Variants in FBXO16 observed in about 807,000 individuals in gnomAD.
The protein encoded by FBXO16 is F-box protein 16, also known as F-box only protein 16.
Under a neutral mutation model 41.0 loss-of-function variants are expected in FBXO16, and 31 were observed. The ratio of observed to expected loss-of-function variants is 0.76; its 90% CI spans 0.57 to 1.02. The LOEUF is 1.02. FBXO16 is among the 50% of genes least tolerant of loss of function. The pLI is 0.00. For synonymous variants in FBXO16, 133 were observed against 117.8 expected (o/e 1.13, Z -0.84); for missense variants, 361 against 346.2 (o/e 1.04, Z -0.34).
chr8:28,450,250 G>A (rs1802932252), intron 6 of FBXO16, among the ~76,000 whole-genome samples: 2 of 152,150 alleles, frequency 1.3e-5, no homozygotes, highest in Non-Finnish European at 2.9e-5. Context: ...TGGTGCTGGG[G>A]AAACGGGATA....
chr8:28,458,187 A>G (rs1235882370), intron 4 of FBXO16, among the ~76,000 whole-genome samples: 1 of 152,164 alleles, frequency 6.6e-6, no homozygotes, highest in Non-Finnish European at 1.5e-5. Flanking sequence ...CTATCCATAC[A>G]CCTATTTTTC....
chr8:28,432,961 C>T (rs7834632), intron 7 of FBXO16, among the ~76,000 whole-genome samples: 12,059 of 151,100 alleles, frequency 0.08, 1,625 homozygotes, highest in African/African-American at 0.28. Flanking sequence ...CTTGGGAGGC[C>T]GAGACAGGAG....
At chr8:28,457,130 T>C (rs930339837) in intron 4 of FBXO16, among the ~76,000 whole-genome samples, 200 bp from the exon 5 acceptor site, 1 of 152,218 alleles carries the variant, frequency 6.6e-6, no homozygotes. Context: ...TAGCATTTGC[T>C]TTAAATGCTA....
chr8:28,452,599 G>A (rs1314254009), intron 5 of FBXO16, 123 bp from the exon 6 acceptor site: 5 of 822,072 alleles, frequency 6.1e-6, no homozygotes, highest in East Asian at 2.7e-5. Flanking sequence ...TCAGAAGTTC[G>A]AGACCAGCCT....
At chr8:28,432,342 C>T (rs554923625) in intron 7 of FBXO16, among the ~76,000 whole-genome samples, 6 of 151,620 alleles carry the variant, frequency 4.0e-5, no homozygotes, top group Admixed American at 6.6e-5. Context: ...GGCGTGGTGG[C>T]GGGTGCCTGT....
At position 28,428,431 on chromosome 8, in the gene FBXO16, C is replaced by T; in HGVS notation, c.*296G>A. 1 of 806,000 alleles carries T rather than the reference C, an allele frequency of 1.2e-6. No individual in the cohort carries two copies. Among genetic ancestry groups the T allele is most frequent in the Non-Finnish European group, 1.8e-6 (1 of 544,246 alleles). 49.9% of individuals were successfully genotyped at this position (806,000 alleles called of 1,614,324 possible). A position where few individuals can be genotyped will look rare whatever the true frequency, so the allele number is the denominator to read the frequency against. Reference sequence around the variant, plus strand: ...CATTTATGCCATGAATTCCTTTTTACTGAAATACCGTAGGACTCACTACCA... The same window carrying T: ...CATTTATGCCATGAATTCCTTTTTATTGAAATACCGTAGGACTCACTACCA... On this transcript the variant is annotated 3_prime_UTR_variant, in exon 9 of 9. Coordinates refer to ENST00000380254, the MANE Select transcript of FBXO16 (RefSeq NM_172366.4).
chr8:28,489,271 G>T (rs1024819228), intron 1 of FBXO16, among the ~76,000 whole-genome samples: 16 of 152,092 alleles, frequency 1.1e-4, no homozygotes, highest in African/African-American at 3.6e-4. Context: ...GAGCCTGGGA[G>T]GCAGAGGTTG....
At chr8:28,480,924 A>G (rs569121575) in intron 2 of FBXO16, among the ~76,000 whole-genome samples, 2 of 152,350 alleles carry the variant, frequency 1.3e-5, no homozygotes, top group South Asian at 4.1e-4. Flanking sequence ...AACAGTGATG[A>G]GAGCAAAGAA....
At chr8:28,489,954 T>C (rs915959921) in intron 1 of FBXO16, among the ~76,000 whole-genome samples, 3 of 152,266 alleles carry the variant, frequency 2.0e-5, no homozygotes, top group African/African-American at 7.2e-5. Flanking sequence ...TCCGCTTAAC[T>C]AGTTTTTAAA....
intron 7 of FBXO16, among the ~76,000 whole-genome samples, chr8:28,439,108 A>G (rs1585892044): frequency 7.3e-6 from 1 of 136,120 alleles, no homozygotes; most frequent in Admixed American, 7.5e-5. Flanking sequence ...AAAAAAAAAA[A>G]AGAAAAGAAA....
intron 3 of FBXO16, among the ~76,000 whole-genome samples, chr8:28,473,470 C>T (rs943713189): frequency 6.6e-6 from 1 of 152,100 alleles, no homozygotes; most frequent in East Asian, 1.9e-4. Context: ...GGATTATTGT[C>T]CTTATAAAGA....
intron 3 of FBXO16, among the ~76,000 whole-genome samples, chr8:28,470,322 T>C (rs927479325): frequency 3.3e-5 from 5 of 152,188 alleles, no homozygotes; most frequent in African/African-American, 1.2e-4. Context: ...GAATATGGCA[T>C]TTTCTATTTA....
At chr8:28,489,664 C>A (rs578027404) in intron 1 of FBXO16, among the ~76,000 whole-genome samples, 1 of 150,680 alleles carries the variant, frequency 6.6e-6, no homozygotes, top group Non-Finnish European at 1.5e-5. Context: ...TGCACCACTG[C>A]AGTTCAGCCT....
chr8:28,459,623 A>AAATAAT (rs57120891), intron 4 of FBXO16, among the ~76,000 whole-genome samples: 13,961 of 137,662 alleles, frequency 0.1, 727 homozygotes, highest in East Asian at 0.12. Flanking sequence ...CCTGTCTCAA[A>AAATAAT]AATAATAATA....
rs191100056 is a variant in FBXO16 at position 28,482,683 on chromosome 8, G to A, written c.99+665C>T. The stretch of plus-strand genomic sequence containing the variant: ...CCTCCTGGGTTCAAGCGATTCTCCC[G>A]CCTCAGCCTCCCGAGTAGCTGGGAT... On this transcript the variant is annotated intron_variant, in intron 2 of 8. Coordinates refer to ENST00000380254, the MANE Select transcript of FBXO16 (RefSeq NM_172366.4). Among the ~76,000 whole-genome samples the A allele has an allele frequency of 1.1e-3, 171 of 151,956 alleles. 2 individuals carry two copies. Among genetic ancestry groups the A allele is most frequent in the Non-Finnish European group, 2.0e-3 (133 of 67,986 alleles).
chr8:28,479,492 G>A (rs145025125), intron 2 of FBXO16, among the ~76,000 whole-genome samples: 6 of 152,214 alleles, frequency 3.9e-5, no homozygotes, highest in African/African-American at 1.4e-4. Context: ...ATTTTTCGAA[G>A]AAAATTTCTG....
chr8:28,452,205 TA>T, intron 6 of FBXO16, 38 bp downstream of exon 6: 1 of 1,562,684 alleles, frequency 6.4e-7, no homozygotes, highest in Non-Finnish European at 8.7e-7. Flanking sequence ...AAATTATTTC[TA>T]AAAACGAAGA....
intron 1 of FBXO16, among the ~76,000 whole-genome samples, chr8:28,486,063 G>A (rs532806145): frequency 1.8e-3 from 268 of 147,718 alleles, no homozygotes; most frequent in Non-Finnish European, 3.3e-3. Context: ...CTGAGGTCGC[G>A]CCACTGCACT....
intron 7 of FBXO16, among the ~76,000 whole-genome samples, chr8:28,437,255 G>A (rs536886260): frequency 6.6e-6 from 1 of 152,296 alleles, no homozygotes; most frequent in East Asian, 1.9e-4. Context: ...CTAAGTGAAC[G>A]AGAGCAGGTA....
Sources: allele counts gnomAD v4.1 joint callset (sites outside exome capture counted in the v4.1 genomes callset), GRCh38; gene constraint gnomAD v4.1.1; transcripts MANE v1.5; gene names NCBI Gene and HGNC (gene_info 2026-07-23, HGNC 2026-07-21).